ADGRA3: variants seen among roughly 807,000 people sequenced by gnomAD.
The protein encoded by ADGRA3 is G-protein coupled receptor 125.
Under a neutral mutation model 119.8 loss-of-function variants are expected in ADGRA3, and 56 were observed. That is an observed-to-expected ratio of 0.47 (90% confidence interval 0.38 to 0.58). ADGRA3 has a LOEUF of 0.58. Ranked by LOEUF, ADGRA3 falls within the 20% of genes least tolerant of loss-of-function variation. ADGRA3 has a pLI of 0.00. For missense variants in ADGRA3, 1,516 were observed against 1,649.0 expected (o/e 0.92, Z 1.40); for synonymous variants, 607 against 623.8 (o/e 0.97, Z 0.40).
intron 15 of ADGRA3, 118 bp from the exon 16 acceptor site, chr4:22,401,672 A>T: frequency 1.5e-6 from 1 of 668,358 alleles, no homozygotes; most frequent in African/African-American, 1.8e-5. Context: ...ATATTTAAAC[A>T]TTTAACAAAC....
intron 10 of ADGRA3, among the ~76,000 whole-genome samples, chr4:22,427,074 A>G (rs559928930): frequency 1.3e-5 from 2 of 152,328 alleles, no homozygotes; most frequent in South Asian, 2.1e-4. Flanking sequence ...GATTTTGTCT[A>G]TTATTCTGAC....
In ADGRA3 at chr4:22,490,184, C is replaced by T. The variant is rs1161962191; in HGVS notation, c.258-16341G>A. 3.3e-5 allele frequency among the ~76,000 whole-genome samples: 5 copies of T among 152,210 alleles called. No individual in the cohort carries two copies. In the South Asian group the frequency reaches 8.3e-4, roughly 25 times the overall value. On this transcript the variant is annotated intron_variant, in intron 1 of 18. Coordinates refer to ENST00000334304, the MANE Select transcript of ADGRA3 (RefSeq NM_145290.4). ...GTTTACATGAAATTAAATAGCATTT[C>T]GTTAAGAAAAATTGAAGCGTTTTTA...
At chr4:22,494,468 A>G (rs1459759765) in intron 1 of ADGRA3, among the ~76,000 whole-genome samples, 1 of 151,916 alleles carries the variant, frequency 6.6e-6, no homozygotes, top group Non-Finnish European at 1.5e-5. Flanking sequence ...ACTTGCTTTC[A>G]CTTTACTCCA....
At chr4:22,407,474 C>G (rs1429778438) in intron 14 of ADGRA3, among the ~76,000 whole-genome samples, 1 of 151,952 alleles carries the variant, frequency 6.6e-6, no homozygotes, top group Non-Finnish European at 1.5e-5. Context: ...GTATGAGACA[C>G]CTTTGAGTAG....
intron 17 of ADGRA3, among the ~76,000 whole-genome samples, chr4:22,390,757 A>ATACT (rs1714104713): frequency 6.6e-6 from 1 of 152,040 alleles, no homozygotes; most frequent in South Asian, 2.1e-4. Context: ...TGCAAAGAGG[A>ATACT]TACTTGTGTG....
At chr4:22,503,166 G>C (rs1032824682) in intron 1 of ADGRA3, among the ~76,000 whole-genome samples, 3 of 152,170 alleles carry the variant, frequency 2.0e-5, no homozygotes, top group Non-Finnish European at 1.5e-5. Context: ...CAGGTTACTG[G>C]AAAGACTTTA....
intron 3 of ADGRA3, among the ~76,000 whole-genome samples, chr4:22,457,920 C>A (rs1717298474): frequency 6.6e-6 from 1 of 152,164 alleles, no homozygotes. Flanking sequence ...CAAACTATAT[C>A]TCAGCATAGA....
At chr4:22,467,101 G>A (rs16872703) in intron 2 of ADGRA3, among the ~76,000 whole-genome samples, 3,785 of 152,122 alleles carry the variant, frequency 0.025, 51 homozygotes, top group Middle Eastern at 0.065. Flanking sequence ...GTTGACCTTC[G>A]AATAATTCAC....
intron 1 of ADGRA3, among the ~76,000 whole-genome samples, chr4:22,514,740 T>C (rs894201374): frequency 9.2e-5 from 14 of 152,168 alleles, no homozygotes; most frequent in Admixed American, 1.3e-4. Flanking sequence ...ACTGTTCAGC[T>C]AGAATTGGCA....
chr4:22,493,961 T>C (rs1398205275), intron 1 of ADGRA3, among the ~76,000 whole-genome samples: 2 of 151,824 alleles, frequency 1.3e-5, no homozygotes, highest in East Asian at 3.9e-4. Flanking sequence ...TCCCAGCACT[T>C]TGGGAGGCCG....
At chr4:22,497,223 G>A (rs1366615083) in intron 1 of ADGRA3, among the ~76,000 whole-genome samples, 1 of 152,136 alleles carries the variant, frequency 6.6e-6, no homozygotes, top group Non-Finnish European at 1.5e-5. Context: ...GGGGGGAAAT[G>A]CAGGCAAGAA....
rs1439982796 is a variant in ADGRA3 at position 22,515,547 on chromosome 4, G to A, written c.238C>T (p.Pro80Ser). The change falls in exon 1 of 19, where the codon CCC (proline) becomes TCC (serine). Residue 80 changes from proline to serine, a missense_variant. By Grantham distance (74) the Pro-to-Ser change is moderately conservative (BLOSUM62 -1). Transcript: ENST00000334304. ...LAQVLPPDTL[P>S]NRTVTLILSN... ...ACTCACAGGGTGACCGTGCGGTTGG[G>A]CAGAGTATCTGGGGGCAGGACCTGC... The A allele has an allele frequency of 1.3e-6, 2 of 1,599,474 alleles. No individual in the cohort carries two copies. Among genetic ancestry groups the A allele is most frequent in the South Asian group, 2.2e-5 (2 of 90,496 alleles).
At chr4:22,489,308 A>G (rs1349644899) in intron 1 of ADGRA3, among the ~76,000 whole-genome samples, 1 of 152,186 alleles carries the variant, frequency 6.6e-6, no homozygotes, top group African/African-American at 2.4e-5. Context: ...TAACACGTGA[A>G]AATTATGGGA....
chr4:22,416,406 T>C (rs533975412), intron 12 of ADGRA3, among the ~76,000 whole-genome samples: 2 of 152,178 alleles, frequency 1.3e-5, no homozygotes, highest in Non-Finnish European at 2.9e-5. Flanking sequence ...GTAGAGAACA[T>C]GAGATCTGAA....
chr4:22,465,003 G>A (rs905999061), intron 2 of ADGRA3, among the ~76,000 whole-genome samples: 1 of 152,174 alleles, frequency 6.6e-6, no homozygotes, highest in African/African-American at 2.4e-5. Flanking sequence ...CGGTACCCAG[G>A]CCAAGCAGAG....
At chr4:22,477,005 C>T (rs1238171546) in intron 1 of ADGRA3, among the ~76,000 whole-genome samples, 1 of 151,714 alleles carries the variant, frequency 6.6e-6, no homozygotes, top group Non-Finnish European at 1.5e-5. Flanking sequence ...CAATATCTTT[C>T]GAAATCTCTA....
At chr4:22,400,761 C>T (rs1714600411) in intron 16 of ADGRA3, among the ~76,000 whole-genome samples, 1 of 151,374 alleles carries the variant, frequency 6.6e-6, no homozygotes, top group Non-Finnish European at 1.5e-5. Context: ...CCCATAGAAA[C>T]ACAGCCGATA....
intron 1 of ADGRA3, among the ~76,000 whole-genome samples, chr4:22,509,881 GCGCC>G (rs1719385635): frequency 6.6e-6 from 1 of 151,730 alleles, no homozygotes; most frequent in South Asian, 2.1e-4. Flanking sequence ...GTGGTAGCGG[GCGCC>G]TGTAGTCCCA....
At position 22,387,980 on chromosome 4, in the gene ADGRA3, GTC is replaced by G. The variant is rs1560290399; in HGVS notation, c.3689_3690del (p.Arg1230ThrfsTer14). The part of the protein sequence containing the change: ...SRRAYLAYRE[R>X]QYNPPQQDSS... ...CTGTCTTGCTGGGGTGGGTTGTACTGTCTCTCTCTGTAGGCTAAATAAGCTCT... is the reference window on the plus strand; with the variant it reads ...CTGTCTTGCTGGGGTGGGTTGTACTGTCTCTCTGTAGGCTAAATAAGCTCT... On this transcript the variant is annotated frameshift_variant, in exon 19 of 19. Transcript: ENST00000334304. LOFTEE classifies it high-confidence loss of function. 2 of 1,614,176 alleles carry G rather than the reference GTC, an allele frequency of 1.2e-6. No individual in the cohort carries two copies. Among genetic ancestry groups the G allele is most frequent in the South Asian group, 1.1e-5 (1 of 91,090 alleles).
Sources: gnomAD v4.1 joint callset for allele counts (sites outside exome capture counted in the v4.1 genomes callset) on GRCh38, gnomAD v4.1.1 for gene constraint, MANE v1.5 for transcripts, NCBI Gene and HGNC (gene_info 2026-07-23, HGNC 2026-07-21) for gene names.